MTHFS: variants seen among roughly 807,000 people sequenced by gnomAD.
MTHFS encodes methenyltetrahydrofolate synthetase.
Under a neutral mutation model 12.7 loss-of-function variants are expected in MTHFS, and 7 were observed. The ratio of observed to expected loss-of-function variants is 0.55; its 90% CI spans 0.31 to 1.03. MTHFS has a LOEUF of 1.03. MTHFS is among the 50% of genes least tolerant of loss of function. The pLI is 0.05. For synonymous variants in MTHFS, 100 were observed against 97.1 expected, an observed-to-expected ratio of 1.03 and a Z score of -0.18; for missense variants, 252 against 258.1, an observed-to-expected ratio of 0.98 and a Z score of 0.16.
chr15:79,881,591 A>G (rs2034295661), intron 2 of MTHFS, among the ~76,000 whole-genome samples: 1 of 151,916 alleles, frequency 6.6e-6, no homozygotes, highest in Admixed American at 6.6e-5. Flanking sequence ...AAAAAAAAAA[A>G]GCTTAACTTT....
rs560959007 is a variant in MTHFS, at chr15:79,879,858, T to C, written c.379+9235A>G. ...AAATTTCTTTCCTAGCTCTTTCTTGTTTTTTAATTAATCACAGGACTTCTT... is the reference window on the plus strand; with the variant it reads ...AAATTTCTTTCCTAGCTCTTTCTTGCTTTTTAATTAATCACAGGACTTCTT... On this transcript the variant is annotated intron_variant, in intron 2 of 2. Coordinates refer to ENST00000258874, the MANE Select transcript of MTHFS (RefSeq NM_006441.4). Among the ~76,000 whole-genome samples the C allele has an allele frequency of 1.5e-3, 225 of 152,292 alleles. 1 individual carries two copies. The highest frequency in any genetic ancestry group is 2.5e-3 in the Non-Finnish European group (167 of 68,020).
chr15:79,888,740 G>A (rs2034423034), intron 2 of MTHFS, among the ~76,000 whole-genome samples: 1 of 152,208 alleles, frequency 6.6e-6, no homozygotes, highest in Non-Finnish European at 1.5e-5. Context: ...CACATGGTAG[G>A]TAGTCGAAGT....
At chr15:79,897,137 G>A, upstream of MTHFS, 2 of 680,796 alleles carry the variant, frequency 2.9e-6, no homozygotes, top group Non-Finnish European at 4.4e-6. Flanking sequence ...CGGGACGCGG[G>A]CCCGCGGCGC....
At chr15:79,864,974 C>G (rs2033984830) in intron 2 of MTHFS, among the ~76,000 whole-genome samples, 1 of 152,014 alleles carries the variant, frequency 6.6e-6, no homozygotes, top group South Asian at 2.1e-4. Flanking sequence ...GAAAAACACC[C>G]CAAAAAAATA....
At chr15:79,849,832 C>T (rs1408379021) in intron 2 of MTHFS, among the ~76,000 whole-genome samples, 1 of 152,238 alleles carries the variant, frequency 6.6e-6, no homozygotes, top group Non-Finnish European at 1.5e-5. Context: ...CCAGGCTTCG[C>T]TACCTTTCCA....
At chr15:79,874,544 T>G (rs1423195643) in intron 2 of MTHFS, among the ~76,000 whole-genome samples, 2 of 152,086 alleles carry the variant, frequency 1.3e-5, no homozygotes, top group Non-Finnish European at 2.9e-5. Context: ...CTCATAGCTC[T>G]CTCCATGCAA....
intron 2 of MTHFS, among the ~76,000 whole-genome samples, chr15:79,854,384 C>T (rs2033765250): frequency 6.6e-6 from 1 of 152,208 alleles, no homozygotes; most frequent in African/African-American, 2.4e-5. Flanking sequence ...AGAAGGCTGC[C>T]TGACTGGAGT....
rs201349733 is a variant in MTHFS at position 79,850,170 on chromosome 15, A to AT, written c.380-4729dup. The stretch of plus-strand genomic sequence containing the variant: ...ATTGTATTTATTAGGATACCTTTCT[A>AT]TTTTTTTAAAAAGAAATCTCAGGCA... On this transcript the variant is annotated intron_variant, in intron 2 of 2. Coordinates refer to ENST00000258874, the MANE Select transcript of MTHFS (RefSeq NM_006441.4). Among the ~76,000 whole-genome samples the AT allele has an allele frequency of 7.7e-3, 1,169 of 152,322 alleles. 10 individuals are homozygous for AT. The highest frequency in any genetic ancestry group is 0.065 in the Middle Eastern group (19 of 294).
intron 2 of MTHFS, among the ~76,000 whole-genome samples, chr15:79,870,993 A>C (rs1353036199): frequency 6.6e-6 from 1 of 152,128 alleles, no homozygotes; most frequent in African/African-American, 2.4e-5. Context: ...AATACAAAAA[A>C]TTAGCTGGGC....
At chr15:79,860,396 A>C (rs2033892319) in intron 2 of MTHFS, among the ~76,000 whole-genome samples, 1 of 152,176 alleles carries the variant, frequency 6.6e-6, no homozygotes, top group Non-Finnish European at 1.5e-5. Context: ...CTCAAAAAAA[A>C]AAAAATGGAT....
intron 2 of MTHFS, among the ~76,000 whole-genome samples, chr15:79,872,693 G>C (rs1402380855): frequency 6.6e-6 from 1 of 152,226 alleles, no homozygotes; most frequent in African/African-American, 2.4e-5. Context: ...GCCATGGAAA[G>C]GGGTAGTAAC....
chr15:79,866,089 G>GT (rs201713728), intron 2 of MTHFS, among the ~76,000 whole-genome samples: 133 of 146,714 alleles, frequency 9.1e-4, no homozygotes, highest in Admixed American at 2.4e-3. Context: ...GCAGCTTTTT[G>GT]TTTTTTTTTG....
intron 2 of MTHFS, among the ~76,000 whole-genome samples, chr15:79,888,148 C>T (rs1246768143): frequency 6.6e-6 from 1 of 152,116 alleles, no homozygotes; most frequent in East Asian, 1.9e-4. Flanking sequence ...TTACCTGTTT[C>T]ATAATGATAA....
intron 2 of MTHFS, among the ~76,000 whole-genome samples, chr15:79,884,602 T>C (rs2034350913): frequency 1.3e-5 from 2 of 152,038 alleles, no homozygotes; most frequent in Non-Finnish European, 2.9e-5. Context: ...AGACAGGTGA[T>C]AAAAACATTA....
intron 2 of MTHFS, among the ~76,000 whole-genome samples, chr15:79,865,038 CA>C (rs1182093949): frequency 6.6e-6 from 1 of 152,158 alleles, no homozygotes; most frequent in Non-Finnish European, 1.5e-5. Context: ...CTCTTTGTTT[CA>C]GGGGAGAGGT....
chr15:79,853,713 C>A (rs776483049), intron 2 of MTHFS, among the ~76,000 whole-genome samples: 12 of 152,280 alleles, frequency 7.9e-5, no homozygotes, highest in Middle Eastern at 6.8e-3. Flanking sequence ...TAGAAACATG[C>A]AGAGCGGTCC....
intron 2 of MTHFS, among the ~76,000 whole-genome samples, chr15:79,871,533 G>A (rs1029318508): frequency 8.6e-5 from 13 of 151,064 alleles, no homozygotes; most frequent in African/African-American, 3.2e-4. Flanking sequence ...CAAGACAAAG[G>A]GATTTTTTTT....
At chr15:79,860,862 T>C (rs2033899870) in intron 2 of MTHFS, among the ~76,000 whole-genome samples, 1 of 152,222 alleles carries the variant, frequency 6.6e-6, no homozygotes, top group Non-Finnish European at 1.5e-5. Flanking sequence ...AAAAGGGGTA[T>C]GTTTCCTTCT....
At chr15:79,897,267 G>C, upstream of MTHFS, 1 of 454,928 alleles carries the variant, frequency 2.2e-6, no homozygotes, top group Non-Finnish European at 3.8e-6. Flanking sequence ...CCTGCCGCCT[G>C]ACCTCCCTGA....
Sources: allele counts gnomAD v4.1 joint callset (sites outside exome capture counted in the v4.1 genomes callset), GRCh38; gene constraint gnomAD v4.1.1; transcripts MANE v1.5; gene names NCBI Gene and HGNC (gene_info 2026-07-23, HGNC 2026-07-21).